KCNE4: variants seen among roughly 807,000 people sequenced by gnomAD.
KCNE4 encodes the protein potassium voltage-gated channel subfamily E regulatory subunit 4.
A neutral mutation model predicts 9.2 loss-of-function variants in KCNE4; 6 were observed. The observed-to-expected ratio is 0.65, with a 90% confidence interval of 0.36 to 1.29. KCNE4 has a LOEUF of 1.29. Ranked by LOEUF, KCNE4 falls within the 50% of genes most tolerant of loss-of-function variation. The pLI, the probability that KCNE4 is intolerant of heterozygous loss-of-function variation, is 0.03. For missense variants in KCNE4, 222 were observed against 228.8 expected (o/e 0.97, Z 0.19); for synonymous variants, 115 against 103.2 (o/e 1.11, Z -0.70).
chr2:223,053,343 G>A lies in KCNE4; in HGVS notation c.513G>A (p.Ter171=), dbSNP rs1459628017. ...GSSENIHQNS[*] is the part of the protein sequence containing the mutation. ...CGGAGAACATCCATCAGAATTCCTA[G>A]CACCCCCGGGACCCCTGCCGGTGGC... The change falls in exon 2 of 2, where the codon TAG becomes TAA. Residue 171 remains the stop codon, a stop_retained_variant. Transcript: ENST00000281830. The surrounding 1 kb of genome is among the most constrained non-coding windows in gnomAD (Gnocchi z 4.1). 1 of 1,613,026 alleles carries A rather than the reference G, an allele frequency of 6.2e-7. No homozygotes were observed. Among genetic ancestry groups the A allele is most frequent in the African/African-American group, 1.3e-5 (1 of 75,042 alleles).
In KCNE4 at chr2:223,055,101, T is replaced by G. The variant is rs1361062845; in HGVS notation, c.*1758T>G. ...TCAAACTCCTGGCCTTAAATGATCC[T>G]CCCACCTCGGCCTCCCAAAGTGCTG... On this transcript the variant is annotated 3_prime_UTR_variant, in exon 2 of 2. Transcript: ENST00000281830. 1.2e-5 allele frequency: 2 copies of G among 160,452 alleles called. No homozygotes were observed. Among genetic ancestry groups the G allele is most frequent in the Non-Finnish European group, 2.9e-5 (2 of 67,932 alleles). The allele number at this position is 160,452 out of a possible 1,614,324, so 9.9% of individuals were successfully genotyped here. A position where few individuals can be genotyped will look rare whatever the true frequency, so the allele number is the denominator to read the frequency against.
chr2:223,054,841 A>C lies in KCNE4; in HGVS notation c.*1498A>C, dbSNP rs950616650. On this transcript the variant is annotated 3_prime_UTR_variant, in exon 2 of 2. Coordinates refer to ENST00000281830, the MANE Select transcript of KCNE4 (RefSeq NM_080671.4). ...TTAAATCTATTTAAAAAAACTTTTAAAAAAATTATTTATTTATTATTATTT... is the reference window on the plus strand; with the variant it reads ...TTAAATCTATTTAAAAAAACTTTTACAAAAATTATTTATTTATTATTATTT... The C allele has an allele frequency of 6.0e-6, 1 of 166,608 alleles. No individual in the cohort carries two copies. Among genetic ancestry groups the C allele is most frequent in the South Asian group, 2.1e-4 (1 of 4,828 alleles). The allele number at this position is 166,608 out of a possible 1,614,324, so 10.3% of individuals were successfully genotyped here. A position where few individuals can be genotyped will look rare whatever the true frequency, so the allele number is the denominator to read the frequency against.
Position 223,052,216 on chromosome 2 carries a change from G to T in KCNE4, c.-82G>T. On this transcript the variant is annotated 5_prime_UTR_variant, in exon 1 of 2. Transcript: ENST00000281830. ...GAGCGCAGAGCCGGACAGAGCAGAA[G>T]AACCCTCTTGGACTGGACGATTTGG... The T allele has an allele frequency of 8.1e-7, 1 of 1,233,928 alleles. No homozygotes were observed. The highest frequency in any genetic ancestry group is 1.0e-6 in the Non-Finnish European group (1 of 989,310). The allele number at this position is 1,233,928 out of a possible 1,614,324, so 76.4% of individuals were successfully genotyped here.
In KCNE4 at chr2:223,053,566, C is replaced by A. The variant is rs41311845; in HGVS notation, c.*223C>A. The A allele has an allele frequency of 3.8e-5, 23 of 597,784 alleles. No individual in the cohort carries two copies. In the East Asian group the frequency reaches 6.1e-4, roughly 16 times the overall value. The allele number at this position is 597,784 out of a possible 1,614,324, so 37.0% of individuals were successfully genotyped here. On this transcript the variant is annotated 3_prime_UTR_variant, in exon 2 of 2. Coordinates refer to ENST00000281830, the MANE Select transcript of KCNE4 (RefSeq NM_080671.4). The surrounding 1 kb of genome is among the most constrained non-coding windows in gnomAD (Gnocchi z 4.1). ...TGGTTTGCACCCACCACTGAAAAAG[C>A]CGCGGAGATGCGCAGCGCGTACACT...
At position 223,053,096 on chromosome 2, in the gene KCNE4, T is replaced by G. The variant is rs1698719906; in HGVS notation, c.266T>G (p.Val89Gly). Residue 89 changes from valine (V) to glycine (G), a missense_variant, in exon 2 of 2, where the codon GTG becomes GGG. Physicochemically the swap from Val to Gly is moderately radical, Grantham distance 109. Coordinates refer to ENST00000281830, the MANE Select transcript of KCNE4 (RefSeq NM_080671.4). The surrounding 1 kb of genome is among the most constrained non-coding windows in gnomAD (Gnocchi z 4.1). ...LWGEAMKPLPVVSGLRSVQVP... is the reference protein window; with the variant it reads ...LWGEAMKPLPGVSGLRSVQVP... ...GGGGAGGCCATGAAGCCGCTGCCTG[T>G]GGTGTCGGGCCTGAGGTCGGTGCAG... 6.2e-7 allele frequency: 1 copy of G among 1,613,840 alleles called. No homozygotes were observed. Among genetic ancestry groups the G allele is most frequent in the Non-Finnish European group, 8.5e-7 (1 of 1,179,938 alleles).
intron 1 of KCNE4, 89 bp from the exon 2 acceptor site, chr2:223,052,719 T>G: frequency 7.1e-7 from 1 of 1,417,652 alleles, no homozygotes; most frequent in Admixed American, 2.0e-5. Flanking sequence ...TAAGCTTTTT[T>G]GGTATTGCAG....
chr2:223,054,854 TTTA>T lies in KCNE4; in HGVS notation c.*1520_*1522del, dbSNP rs1698743718. Reference sequence around the variant, plus strand: ...AAAAAACTTTTAAAAAAATTATTTATTTATTATTATTTTTTATTTTTAAGACAG... The same window carrying T: ...AAAAAACTTTTAAAAAAATTATTTATTTATTATTTTTTATTTTTAAGACAG... On this transcript the variant is annotated 3_prime_UTR_variant, in exon 2 of 2. Coordinates refer to ENST00000281830, the MANE Select transcript of KCNE4 (RefSeq NM_080671.4). 1 of 166,508 alleles carries T rather than the reference TTTA, an allele frequency of 6.0e-6. No individual in the cohort carries two copies. Among genetic ancestry groups the T allele is most frequent in the South Asian group, 2.1e-4 (1 of 4,826 alleles). The allele number at this position is 166,508 out of a possible 1,614,324, so 10.3% of individuals were successfully genotyped here. A position where few individuals can be genotyped will look rare whatever the true frequency, so the allele number is the denominator to read the frequency against.
Position 223,054,155 on chromosome 2 carries a change from G to A in KCNE4, c.*812G>A, listed in dbSNP as rs905284216. The stretch of plus-strand genomic sequence containing the variant: ...AAGGGGTAAAGTGGGGTTGAACAAG[G>A]CCAAGCCGTTAGCTCTGCTGCTGCT... On this transcript the variant is annotated 3_prime_UTR_variant, in exon 2 of 2. Coordinates refer to ENST00000281830, the MANE Select transcript of KCNE4 (RefSeq NM_080671.4). 1.8e-5 allele frequency: 3 copies of A among 167,096 alleles called. No homozygotes were observed. Among genetic ancestry groups the A allele is most frequent in the Admixed American group, 1.3e-4 (2 of 15,274 alleles). The allele number at this position is 167,096 out of a possible 1,614,324, so 10.4% of individuals were successfully genotyped here.
chr2:223,053,191 G>T lies in KCNE4; in HGVS notation c.361G>T (p.Glu121Ter). 6.2e-7 allele frequency: 1 copy of T among 1,611,962 alleles called. No homozygotes were observed. The highest frequency in any genetic ancestry group is 1.1e-5 in the South Asian group (1 of 91,032). Residue 121 changes from glutamate (E) to a stop codon, truncating the protein, a stop_gained, in exon 2 of 2, where the codon GAA becomes TAA. Coordinates refer to ENST00000281830, the MANE Select transcript of KCNE4 (RefSeq NM_080671.4). LOFTEE classifies it high-confidence loss of function. This position sits in a 1 kb window ranked among gnomAD's most constrained non-coding sequence, Gnocchi z 4.1. ...GCTGTCCTGCACCCTCTGTTCCATGGAAGGGGACAGCGTGAGCTCCGAGTC... is the reference window on the plus strand; with the variant it reads ...GCTGTCCTGCACCCTCTGTTCCATGTAAGGGGACAGCGTGAGCTCCGAGTC... ...PALSCTLCSM[E>*]GDSVSSESSS...
chr2:223,055,212 A>G lies in KCNE4; in HGVS notation c.*1869A>G. The G allele has an allele frequency of 6.0e-6, 1 of 167,078 alleles. No homozygotes were observed. The allele number at this position is 167,078 out of a possible 1,614,324, so 10.3% of individuals were successfully genotyped here. ...TGCATGGATTGGAGACACAGCAATAACTACTGTTGCCATGGAAGGGTTAAC... is the reference window on the plus strand; with the variant it reads ...TGCATGGATTGGAGACACAGCAATAGCTACTGTTGCCATGGAAGGGTTAAC... On this transcript the variant is annotated 3_prime_UTR_variant, in exon 2 of 2. Coordinates refer to ENST00000281830, the MANE Select transcript of KCNE4 (RefSeq NM_080671.4).
At position 223,053,155 on chromosome 2, in the gene KCNE4, G is replaced by A. The variant is rs1698721050; in HGVS notation, c.325G>A (p.Val109Met). 6.2e-7 allele frequency: 1 copy of A among 1,611,702 alleles called. No homozygotes were observed. Among genetic ancestry groups the A allele is most frequent in the Non-Finnish European group, 8.5e-7 (1 of 1,178,426 alleles). Residue 109 changes from valine (V) to methionine (M), a missense_variant, in exon 2 of 2, where the codon GTG becomes ATG. Val to Met is a conservative substitution (Grantham distance 21). Transcript: ENST00000281830. This position sits in a 1 kb window ranked among gnomAD's most constrained non-coding sequence, Gnocchi z 4.1. The part of the protein sequence containing the change: ...PLMLNMLQES[V>M]APALSCTLCS... ...GATGCTGAACATGCTGCAGGAGAGC[G>A]TGGCGCCCGCGCTGTCCTGCACCCT...
rs1698742788 is a variant in KCNE4, at chr2:223,054,798, G to A, written c.*1455G>A. The A allele has an allele frequency of 6.0e-6, 1 of 166,574 alleles. No homozygotes were observed. The highest frequency in any genetic ancestry group is 1.5e-5 in the Non-Finnish European group (1 of 68,090). The allele number at this position is 166,574 out of a possible 1,614,324, so 10.3% of individuals were successfully genotyped here. A position where few individuals can be genotyped will look rare whatever the true frequency, so the allele number is the denominator to read the frequency against. ...TCCGTTAGGCCCTTAAAGACAAGGA[G>A]GAAGTAAAAGGTCAAATTTAAATCT... On this transcript the variant is annotated 3_prime_UTR_variant, in exon 2 of 2. Transcript: ENST00000281830.
At position 223,052,990 on chromosome 2, in the gene KCNE4, A is replaced by T; in HGVS notation, c.160A>T (p.Met54Leu). 6.8e-6 allele frequency: 11 copies of T among 1,614,208 alleles called. No individual in the cohort carries two copies. The highest frequency in any genetic ancestry group is 9.3e-6 in the Non-Finnish European group (11 of 1,180,028). The part of the protein sequence containing the change: ...SFYGIFLIGI[M>L]LGYMKSKRRE... ...CTACGGCATTTTCTTGATCGGAATC[A>T]TGCTGGGCTACATGAAATCCAAGAG... Residue 54 changes from methionine to leucine, a missense_variant, in exon 2 of 2, where the codon ATG (methionine) becomes TTG (leucine). Coordinates refer to ENST00000281830, the MANE Select transcript of KCNE4 (RefSeq NM_080671.4).
In KCNE4 at chr2:223,054,128, A is replaced by G. The variant is rs1451667030; in HGVS notation, c.*785A>G. 6.0e-6 allele frequency: 1 copy of G among 167,066 alleles called. No individual in the cohort carries two copies. Among genetic ancestry groups the G allele is most frequent in the African/African-American group, 2.4e-5 (1 of 41,424 alleles). The allele number at this position is 167,066 out of a possible 1,614,324, so 10.3% of individuals were successfully genotyped here. ...TCAGGAGACTCTTCCTGATCTTTCT[A>G]GAAGGGGTAAAGTGGGGTTGAACAA... On this transcript the variant is annotated 3_prime_UTR_variant, in exon 2 of 2. Coordinates refer to ENST00000281830, the MANE Select transcript of KCNE4 (RefSeq NM_080671.4).
rs201828992 is a variant in KCNE4 at position 223,055,088 on chromosome 2, C to A, written c.*1745C>A. On this transcript the variant is annotated 3_prime_UTR_variant, in exon 2 of 2. Transcript: ENST00000281830. ...GGCCAGGCTGGTCTCAAACTCCTGGCCTTAAATGATCCTCCCACCTCGGCC... is the reference window on the plus strand; with the variant it reads ...GGCCAGGCTGGTCTCAAACTCCTGGACTTAAATGATCCTCCCACCTCGGCC... 3.1e-4 allele frequency: 50 copies of A among 159,750 alleles called. 2 individuals are homozygous for A. Among genetic ancestry groups the A allele is most frequent in the East Asian group, 2.5e-3 (13 of 5,136 alleles). The allele number at this position is 159,750 out of a possible 1,614,324, so 9.9% of individuals were successfully genotyped here.
rs1449011444 is a variant in KCNE4 at position 223,052,255 on chromosome 2, G to C, written c.-43G>C. The stretch of plus-strand genomic sequence containing the variant: ...TGGACGATTTGGGAATTCAAAACTT[G>C]GGACAAACTGTCAGCCTTGGTAAGT... On this transcript the variant is annotated 5_prime_UTR_variant, in exon 1 of 2. Transcript: ENST00000281830. The C allele has an allele frequency of 1.6e-6, 2 of 1,235,346 alleles. No individual in the cohort carries two copies. The highest frequency in any genetic ancestry group is 3.1e-5 in the East Asian group (1 of 31,794). The allele number at this position is 1,235,346 out of a possible 1,614,324, so 76.5% of individuals were successfully genotyped here.
In KCNE4 at chr2:223,054,633, C is replaced by G. The variant is rs1198345128; in HGVS notation, c.*1290C>G. On this transcript the variant is annotated 3_prime_UTR_variant, in exon 2 of 2. Transcript: ENST00000281830. ...CCCAGGACTGAAGGAAAGAGGCAGA[C>G]ACCACATTCTCCTCTGCAAAGTTCT... 6.0e-6 allele frequency: 1 copy of G among 167,138 alleles called. No individual in the cohort carries two copies. Among genetic ancestry groups the G allele is most frequent in the East Asian group, 1.9e-4 (1 of 5,166 alleles). 10.4% of individuals were successfully genotyped at this position (167,138 alleles called of 1,614,324 possible).
Position 223,052,206 on chromosome 2 carries a change from C to T in KCNE4, c.-92C>T. 8.1e-7 allele frequency: 1 copy of T among 1,233,108 alleles called. No individual in the cohort carries two copies. The allele number at this position is 1,233,108 out of a possible 1,614,324, so 76.4% of individuals were successfully genotyped here. A position where few individuals can be genotyped will look rare whatever the true frequency, so the allele number is the denominator to read the frequency against. ...GGAGTTGTCAGAGCGCAGAGCCGGA[C>T]AGAGCAGAAGAACCCTCTTGGACTG... On this transcript the variant is annotated 5_prime_UTR_variant, in exon 1 of 2. Coordinates refer to ENST00000281830, the MANE Select transcript of KCNE4 (RefSeq NM_080671.4).
At position 223,055,389 on chromosome 2, in the gene KCNE4, C is replaced by G. The variant is rs1698752748; in HGVS notation, c.*2046C>G. The stretch of plus-strand genomic sequence containing the variant: ...TGAAAGAAGCCAAGTTAAGTTTGGC[C>G]TCTTGCCTGGAATCACTTGAATTCT... On this transcript the variant is annotated 3_prime_UTR_variant, in exon 2 of 2. Transcript: ENST00000281830. The G allele has an allele frequency of 6.0e-6, 1 of 167,048 alleles. No homozygotes were observed. Among genetic ancestry groups the G allele is most frequent in the African/African-American group, 2.4e-5 (1 of 41,440 alleles). The allele number at this position is 167,048 out of a possible 1,614,324, so 10.3% of individuals were successfully genotyped here.
Sources: gnomAD v4.1 joint callset for allele counts on GRCh38, gnomAD v4.1.1 for gene constraint, Gnocchi (gnomAD v3.1) non-coding constraint, MANE v1.5 for transcripts, NCBI Gene and HGNC (gene_info 2026-07-23, HGNC 2026-07-21) for gene names.